Variants in CYP4F3 observed in about 807,000 individuals in gnomAD.
CYP4F3 encodes cytochrome P450 family 4 subfamily F member 3.
Under a neutral mutation model 54.8 loss-of-function variants are expected in CYP4F3, and 50 were observed. The observed-to-expected ratio is 0.91, with a 90% CI of 0.73 to 1.16. The LOEUF (loss-of-function observed/expected upper bound fraction) is 1.16, where lower values mean the gene tolerates loss of function less well. Ranked by LOEUF, CYP4F3 falls within the 50% of genes most tolerant of loss-of-function variation. CYP4F3 has a pLI of 0.00. For missense variants in CYP4F3, 715 were observed against 676.2 expected (o/e 1.06, Z -0.64); for synonymous variants, 244 against 262.6 (o/e 0.93, Z 0.69).
chr19:15,650,668 CTT>C lies in CYP4F3; in HGVS notation c.918+487_918+488del, dbSNP rs759179756. ...CTCCCTCCCTGCCTTCTTTTTCTTT[CTT>C]TCTTTCTTTCTTTCTTTCTTTCTTT... On this transcript the variant is annotated intron_variant, in intron 7 of 12. Coordinates refer to ENST00000221307, the MANE Select transcript of CYP4F3 (RefSeq NM_000896.3). Among the ~76,000 whole-genome samples, 5 of 19,860 alleles carry C rather than the reference CTT, an allele frequency of 2.5e-4. 2 individuals carry two copies. The highest frequency in any genetic ancestry group is 4.2e-4 in the Non-Finnish European group (5 of 11,840). The allele number at this position is 19,860 out of a possible 152,430, so 13.0% of individuals were successfully genotyped here. A position where few individuals can be genotyped will look rare whatever the true frequency, so the allele number is the denominator to read the frequency against.
At chr19:15,654,181 G>A (rs1972953568) in intron 9 of CYP4F3, among the ~76,000 whole-genome samples, 1 of 152,136 alleles carries the variant, frequency 6.6e-6, no homozygotes. Flanking sequence ...GTCCTGGGAA[G>A]GGAAGAAACA....
chr19:15,649,220 A>G lies in CYP4F3; in HGVS notation c.586A>G (p.Ser196Gly). 1 of 1,613,460 alleles carries G rather than the reference A, an allele frequency of 6.2e-7. No individual in the cohort carries two copies. The highest frequency in any genetic ancestry group is 8.5e-7 in the Non-Finnish European group (1 of 1,179,586). Residue 196 changes from serine (S) to glycine (G), a missense_variant, in exon 6 of 13, where the codon AGC becomes GGC. Ser to Gly is a moderately conservative substitution (Grantham distance 56). Coordinates refer to ENST00000221307, the MANE Select transcript of CYP4F3 (RefSeq NM_000896.3). ...CCGTCTGGACATGTTTGAGCACATC[A>G]GCCTCATGACCTTGGACAGTCTGCA... ...SARLDMFEHI[S>G]LMTLDSLQKC...
Position 15,662,628 on chromosome 19 carries a change from T to C in CYP4F3, c.*3243T>C, listed in dbSNP as rs1250077355. On this transcript the variant is annotated 3_prime_UTR_variant, in exon 13 of 13. Transcript: ENST00000221307. ...ATTTCTGTGAATCTATAGATCAATC[T>C]GAGGAGACTTAATAATGATATTGAT... is the stretch of plus-strand genomic sequence containing the variant. 6.6e-6 allele frequency: 1 copy of C among 152,232 alleles called. No individual in the cohort carries two copies. The highest frequency in any genetic ancestry group is 1.5e-5 in the Non-Finnish European group (1 of 68,030). The allele number at this position is 152,232 out of a possible 1,614,324, so 9.4% of individuals were successfully genotyped here. A position where few individuals can be genotyped will look rare whatever the true frequency, so the allele number is the denominator to read the frequency against.
chr19:15,654,083 A>T (rs376915265), intron 9 of CYP4F3, among the ~76,000 whole-genome samples: 1 of 96,094 alleles, frequency 1.0e-5, no homozygotes, highest in Non-Finnish European at 2.6e-5. Flanking sequence ...AAGCCAGGCC[A>T]GGGGCTGGAG....
At chr19:15,646,649 T>G (rs1194825258) in intron 3 of CYP4F3, among the ~76,000 whole-genome samples, 1 of 152,180 alleles carries the variant, frequency 6.6e-6, no homozygotes, top group Non-Finnish European at 1.5e-5. Flanking sequence ...ATGTCTCATG[T>G]CTAGGTCCAT....
chr19:15,654,792 G>C (rs28846089), intron 9 of CYP4F3, among the ~76,000 whole-genome samples: 21,909 of 152,114 alleles, frequency 0.14, 1,641 homozygotes, highest in Middle Eastern at 0.2. Flanking sequence ...TATTTTCGTT[G>C]TTGTGAATAG....
At chr19:15,654,714 T>C (rs953690282) in intron 9 of CYP4F3, among the ~76,000 whole-genome samples, 3 of 152,236 alleles carry the variant, frequency 2.0e-5, no homozygotes, top group African/African-American at 7.2e-5. Flanking sequence ...TGAATAGTAT[T>C]CCATTGTGTA....
Position 15,660,238 on chromosome 19 carries a change from C to A in CYP4F3, c.*853C>A, listed in dbSNP as rs1043402662. On this transcript the variant is annotated 3_prime_UTR_variant, in exon 13 of 13. Coordinates refer to ENST00000221307, the MANE Select transcript of CYP4F3 (RefSeq NM_000896.3). ...GGTTTTGTTTCAGTTTGTAAGATTT[C>A]TTTTCTGGCACTTTAATGGCTTGAG... The A allele has an allele frequency of 6.6e-6, 1 of 152,032 alleles. No homozygotes were observed. Among genetic ancestry groups the A allele is most frequent in the East Asian group, 1.9e-4 (1 of 5,188 alleles). The allele number at this position is 152,032 out of a possible 1,614,324, so 9.4% of individuals were successfully genotyped here.
chr19:15,641,488 G>A lies in CYP4F3; in HGVS notation c.73G>A (p.Val25Ile). The change falls in exon 2 of 13, where the codon GTT becomes ATT. Residue 25 changes from valine to isoleucine, a missense_variant. Val to Ile is a conservative substitution (Grantham distance 29). Coordinates refer to ENST00000221307, the MANE Select transcript of CYP4F3 (RefSeq NM_000896.3). The part of the protein sequence containing the change: ...AASPWLLLLL[V>I]GASWLLARIL... ...ATCCCCGTGGCTGCTCCTGCTGCTG[G>A]TTGGGGCCTCCTGGCTCCTGGCCCG... 1 of 1,614,208 alleles carries A rather than the reference G, an allele frequency of 6.2e-7. No homozygotes were observed. Among genetic ancestry groups the A allele is most frequent in the Admixed American group, 1.7e-5 (1 of 60,026 alleles).
chr19:15,655,836 A>C (rs896898879), intron 9 of CYP4F3, among the ~76,000 whole-genome samples: 1 of 152,230 alleles, frequency 6.6e-6, no homozygotes, highest in African/African-American at 2.4e-5. Flanking sequence ...GCACAGTATG[A>C]TGTTGTGATA....
chr19:15,642,375 G>A (rs1220733520), intron 2 of CYP4F3, among the ~76,000 whole-genome samples: 1 of 152,202 alleles, frequency 6.6e-6, no homozygotes, highest in Non-Finnish European at 1.5e-5. Flanking sequence ...GACAGTTAGA[G>A]TCACCTCTGC....
intron 2 of CYP4F3, among the ~76,000 whole-genome samples, chr19:15,642,884 AGATGGATGGATGGATGGATG>A (rs29001545): frequency 6.6e-6 from 1 of 150,872 alleles, no homozygotes; most frequent in Admixed American, 6.6e-5. Context: ...TGCATGGATA[AGATGGATGGATGGATGGATG>A]GATGGATGGA....
At chr19:15,657,374 G>T (rs1018462316) in intron 9 of CYP4F3, among the ~76,000 whole-genome samples, 8 of 152,124 alleles carry the variant, frequency 5.3e-5, no homozygotes, top group African/African-American at 1.9e-4. Flanking sequence ...TCAGCTTACT[G>T]CAGTCTCTGC....
At chr19:15,648,297 A>T (rs1430797213) in intron 5 of CYP4F3, among the ~76,000 whole-genome samples, 2 of 151,964 alleles carry the variant, frequency 1.3e-5, no homozygotes, top group Non-Finnish European at 2.9e-5. Context: ...AAGCCTCTCA[A>T]ATCCCATGGG....
intron 2 of CYP4F3, 146 bp downstream of exon 2, chr19:15,641,759 T>C: frequency 1.0e-6 from 1 of 955,938 alleles, no homozygotes; most frequent in South Asian, 1.6e-5. Context: ...CTCTGCTTAC[T>C]CATTTCTGTG....
Position 15,660,406 on chromosome 19 carries a change from CA to C in CYP4F3, c.*1024del, listed in dbSNP as rs375802419. The C allele has an allele frequency of 2.6e-5, 4 of 152,256 alleles. No individual in the cohort carries two copies. The highest frequency in any genetic ancestry group is 9.6e-5 in the African/African-American group (4 of 41,534). The allele number at this position is 152,256 out of a possible 1,614,324, so 9.4% of individuals were successfully genotyped here. A position where few individuals can be genotyped will look rare whatever the true frequency, so the allele number is the denominator to read the frequency against. ...ACTTTTCTAGAACAGGCATGCCCTG[CA>C]AACTCCACAGACACTGACTGTTTTT... On this transcript the variant is annotated 3_prime_UTR_variant, in exon 13 of 13. Coordinates refer to ENST00000221307, the MANE Select transcript of CYP4F3 (RefSeq NM_000896.3).
At chr19:15,658,701 G>A (rs569227605) in intron 11 of CYP4F3, 26 bp from the exon 12 acceptor site, 105 of 1,613,222 alleles carry the variant, frequency 6.5e-5, no homozygotes, top group South Asian at 2.3e-4. Flanking sequence ...ACCCCACCCG[G>A]CAACCCTTCT....
At position 15,662,782 on chromosome 19, in the gene CYP4F3, A is replaced by T. The variant is rs1437884644; in HGVS notation, c.*3397A>T. ...TGTTAAATGTACAGCTGAGAATTTA[A>T]TTTTTTCTGGTGTACAATGCTAATA... is the stretch of plus-strand genomic sequence containing the variant. On this transcript the variant is annotated 3_prime_UTR_variant, in exon 13 of 13. Coordinates refer to ENST00000221307, the MANE Select transcript of CYP4F3 (RefSeq NM_000896.3). 6.6e-6 allele frequency: 1 copy of T among 152,128 alleles called. No homozygotes were observed. Among genetic ancestry groups the T allele is most frequent in the Non-Finnish European group, 1.5e-5 (1 of 68,024 alleles). The allele number at this position is 152,128 out of a possible 1,614,324, so 9.4% of individuals were successfully genotyped here.
At chr19:15,646,902 T>G in intron 3 of CYP4F3, 150 bp from the exon 4 acceptor site, 7 of 1,102,786 alleles carry the variant, frequency 6.3e-6, no homozygotes, top group East Asian at 5.0e-5. Flanking sequence ...CCCTCCCCCA[T>G]CCTGCCTTCT....
Sources: gnomAD v4.1 joint callset for allele counts (sites outside exome capture counted in the v4.1 genomes callset) on GRCh38, gnomAD v4.1.1 for gene constraint, MANE v1.5 for transcripts, NCBI Gene and HGNC (gene_info 2026-07-23, HGNC 2026-07-21) for gene names.